The following SVEP1 variants were observed in gnomAD, a reference collection of about 807,000 sequenced individuals.
The protein encoded by SVEP1 is sushi, von Willebrand factor type A, EGF and pentraxin domain-containing protein 1.
Under a neutral mutation model 367.3 loss-of-function variants are expected in SVEP1, and 164 were observed. That is an observed-to-expected ratio of 0.45 (90% CI 0.39 to 0.51). The LOEUF is 0.51. SVEP1 is among the 20% of genes least tolerant of loss of function. The probability of loss-of-function intolerance (pLI) is 0.00; values close to 1 mark genes in which losing one functional copy is unlikely to be tolerated. For missense variants in SVEP1, 4,117 were observed against 4,425.3 expected (o/e 0.93, Z 1.98); for synonymous variants, 1,666 against 1,611.6 (o/e 1.03, Z -0.81).
At chr9:110,497,314 C>A (rs1829465959) in intron 7 of SVEP1, among the ~76,000 whole-genome samples, 3 of 152,174 alleles carry the variant, frequency 2.0e-5, no homozygotes, top group Admixed American at 6.5e-5. Context: ...CTTGAACAGG[C>A]TTAGACACAG....
chr9:110,390,052 CG>C (rs1827608846), intron 40 of SVEP1, among the ~76,000 whole-genome samples: 1 of 110,504 alleles, frequency 9.0e-6, no homozygotes, highest in African/African-American at 3.4e-5. Context: ...TATATATACA[CG>C]TATATATATA....
intron 1 of SVEP1, among the ~76,000 whole-genome samples, chr9:110,564,834 G>A (rs1432140294): frequency 1.3e-5 from 2 of 151,674 alleles, no homozygotes; most frequent in Non-Finnish European, 2.9e-5. Flanking sequence ...ATCAATGACA[G>A]TAGTCATATT....
Position 110,430,380 on chromosome 9 carries a change from A to C in SVEP1, c.5424T>G (p.Gly1808=). Residue 1808 remains glycine (G), a synonymous_variant, in exon 33 of 48, where the codon GGT becomes GGG. Transcript: ENST00000374469. ...GHSSGEIYTV[G]AEVTFSCQEG... is the part of the protein sequence containing the mutation. ...CCTGACACGAAAATGTGACTTCGGCACCTACTGTATAAATCTCACCTGAGG... is the reference window on the plus strand; with the variant it reads ...CCTGACACGAAAATGTGACTTCGGCCCCTACTGTATAAATCTCACCTGAGG... The C allele has an allele frequency of 6.2e-7, 1 of 1,613,334 alleles. No individual in the cohort carries two copies. Among genetic ancestry groups the C allele is most frequent in the Non-Finnish European group, 8.5e-7 (1 of 1,179,646 alleles).
At chr9:110,379,307 G>T (rs1827398771) in intron 44 of SVEP1, 40 bp downstream of exon 44, 3 of 1,597,252 alleles carry the variant, frequency 1.9e-6, no homozygotes, top group Non-Finnish European at 2.6e-6. Flanking sequence ...ACATTTCCCT[G>T]CAGTTTCACT....
intron 36 of SVEP1, among the ~76,000 whole-genome samples, chr9:110,416,868 T>C (rs1828128740): frequency 6.6e-6 from 1 of 152,108 alleles, no homozygotes; most frequent in African/African-American, 2.4e-5. Flanking sequence ...GACTGTTCTG[T>C]ACATTGTAGG....
At chr9:110,368,663 T>C (rs1023653129) in intron 47 of SVEP1, among the ~76,000 whole-genome samples, 1 of 152,180 alleles carries the variant, frequency 6.6e-6, no homozygotes, top group African/African-American at 2.4e-5. Context: ...AAATACTTCT[T>C]TTTTGAGTCA....
intron 41 of SVEP1, among the ~76,000 whole-genome samples, chr9:110,388,127 A>G (rs1564126381): frequency 6.6e-6 from 1 of 152,138 alleles, no homozygotes; most frequent in Non-Finnish European, 1.5e-5. Flanking sequence ...AAAATATAAA[A>G]TTATCAGAAG....
At chr9:110,405,297 C>T (rs1827938074) in intron 38 of SVEP1, among the ~76,000 whole-genome samples, 1 of 151,606 alleles carries the variant, frequency 6.6e-6, no homozygotes, top group Non-Finnish European at 1.5e-5. Context: ...AGTAGGAATA[C>T]AGCATAATTC....
intron 13 of SVEP1, among the ~76,000 whole-genome samples, chr9:110,477,962 A>ATT (rs1829123248): frequency 6.6e-6 from 1 of 152,136 alleles, no homozygotes; most frequent in Non-Finnish European, 1.5e-5. Flanking sequence ...GTGACTTTCA[A>ATT]GGCTCTCCAC....
At chr9:110,489,518 A>G (rs1829334115) in intron 9 of SVEP1, 132 bp downstream of exon 9, 3 of 776,558 alleles carry the variant, frequency 3.9e-6, no homozygotes, top group Non-Finnish European at 6.0e-6. Flanking sequence ...TATCATGAGG[A>G]CAGCATGGGA....
At chr9:110,547,281 G>A (rs927130953) in intron 2 of SVEP1, among the ~76,000 whole-genome samples, 1 of 152,188 alleles carries the variant, frequency 6.6e-6, no homozygotes, top group Non-Finnish European at 1.5e-5. Flanking sequence ...TGTAACACAG[G>A]CCCTTAGGAC....
intron 42 of SVEP1, among the ~76,000 whole-genome samples, chr9:110,386,850 T>C (rs1827531704): frequency 1.3e-5 from 2 of 152,394 alleles, no homozygotes; most frequent in Admixed American, 6.5e-5. Flanking sequence ...CTTGTGAATA[T>C]TGTTTTCATT....
chr9:110,404,127 C>T (rs1827915304), intron 39 of SVEP1, among the ~76,000 whole-genome samples, 200 bp downstream of exon 39: 1 of 152,160 alleles, frequency 6.6e-6, no homozygotes. Flanking sequence ...AACCCTGGCA[C>T]TTTCTTAGTT....
chr9:110,526,733 T>G (rs1292677770), intron 3 of SVEP1, among the ~76,000 whole-genome samples: 1 of 152,110 alleles, frequency 6.6e-6, no homozygotes, highest in Non-Finnish European at 1.5e-5. Context: ...TACACAAATG[T>G]GTATAGCAGC....
intron 24 of SVEP1, among the ~76,000 whole-genome samples, chr9:110,448,462 A>G (rs1310544468): frequency 6.6e-6 from 1 of 152,234 alleles, no homozygotes; most frequent in African/African-American, 2.4e-5. Flanking sequence ...TGGTGTTTGG[A>G]GGATGTAAAC....
intron 13 of SVEP1, among the ~76,000 whole-genome samples, chr9:110,476,699 T>A (rs974262812): frequency 6.6e-6 from 1 of 152,060 alleles, no homozygotes; most frequent in African/African-American, 2.4e-5. Context: ...AATCAGCAAA[T>A]CTGTTATTTT....
chr9:110,503,150 T>C lies in SVEP1; in HGVS notation c.1371A>G (p.Leu457=), dbSNP rs772993175. 3.1e-6 allele frequency: 5 copies of C among 1,613,882 alleles called. No individual in the cohort carries two copies. ...GHISCSTREM[L]YKTTCLVACD... ...AGGCAACCAAACATGTTGTCTTATA[T>C]AACATTTCCCTTGTAGAACAGCTGA... is the stretch of plus-strand genomic sequence containing the variant. The change falls in exon 6 of 48, where the codon TTA becomes TTG. Residue 457 remains leucine, a synonymous_variant. Transcript: ENST00000374469.
intron 46 of SVEP1, among the ~76,000 whole-genome samples, chr9:110,373,128 T>C (rs1368248640): frequency 6.6e-6 from 1 of 152,162 alleles, no homozygotes; most frequent in African/African-American, 2.4e-5. Context: ...GAGTAATTCA[T>C]TTATTACCTG....
At chr9:110,468,032 C>G (rs916014552) in intron 17 of SVEP1, among the ~76,000 whole-genome samples, 11 of 152,194 alleles carry the variant, frequency 7.2e-5, no homozygotes, top group Non-Finnish European at 1.6e-4. Flanking sequence ...TAAGGCCACC[C>G]CAGAAGCAGA....
Sources: allele counts gnomAD v4.1 joint callset (sites outside exome capture counted in the v4.1 genomes callset), GRCh38; gene constraint gnomAD v4.1.1; transcripts MANE v1.5; gene names NCBI Gene and HGNC (gene_info 2026-07-23, HGNC 2026-07-21).